Variants in PRKCE observed in about 807,000 individuals in gnomAD.
The protein encoded by PRKCE is protein kinase C epsilon type.
Under a neutral mutation model 85.4 loss-of-function variants are expected in PRKCE, and 16 were observed. That is an observed-to-expected ratio of 0.19 (90% confidence interval 0.13 to 0.28). The LOEUF (loss-of-function observed/expected upper bound fraction) is 0.28, where lower values mean the gene tolerates loss of function less well. Among genes scored for constraint, PRKCE ranks in the 10% least tolerant of loss-of-function variants. PRKCE has a pLI of 1.00. For missense variants in PRKCE, 573 were observed against 975.2 expected, an observed-to-expected ratio of 0.59 and a Z score of 5.49; for synonymous variants, 388 against 371.5, an observed-to-expected ratio of 1.04 and a Z score of -0.51.
rs376085493 is a variant in PRKCE, at chr2:46,067,511, CAT to C, written c.1438-18696_1438-18695del. 1.3e-4 allele frequency among the ~76,000 whole-genome samples: 20 copies of C among 152,306 alleles called. No homozygotes were observed. In the East Asian group the frequency reaches 3.5e-3, roughly 26 times the overall value. ...CCTGCAGTCTTTCTCGTCTCTTCCA[CAT>C]GTTTGGTGCGTATTCAGGTTTGGGC... On this transcript the variant is annotated intron_variant, in intron 10 of 14. Coordinates refer to ENST00000306156, the MANE Select transcript of PRKCE (RefSeq NM_005400.3).
rs1686646415 is a variant in PRKCE, at chr2:45,786,958, T to TA, written c.349-56042_349-56041insA. Among the ~76,000 whole-genome samples, 1 of 152,248 alleles carries TA rather than the reference T, an allele frequency of 6.6e-6. No homozygotes were observed. Among genetic ancestry groups the TA allele is most frequent in the Non-Finnish European group, 1.5e-5 (1 of 68,042 alleles). ...GCTGGTGTTTCTCAAACTCGCCTGGTGAGTCACTTGAGGCTTTGGTTCAAG... is the reference window on the plus strand; with the variant it reads ...GCTGGTGTTTCTCAAACTCGCCTGGTAGAGTCACTTGAGGCTTTGGTTCAAG... On this transcript the variant is annotated intron_variant, in intron 1 of 14. Coordinates refer to ENST00000306156, the MANE Select transcript of PRKCE (RefSeq NM_005400.3). The surrounding 1 kb of genome is among the most constrained non-coding windows in gnomAD (Gnocchi z 5.3).
rs184425903 is a variant in PRKCE, at chr2:46,063,713, G to C, written c.1438-22495G>C. On this transcript the variant is annotated intron_variant, in intron 10 of 14. Transcript: ENST00000306156. ...TGCAAGGGGCAGGAAAAGATTTACAGTGTTTTGCTAGACCAATCGCCACTT... is the reference window on the plus strand; with the variant it reads ...TGCAAGGGGCAGGAAAAGATTTACACTGTTTTGCTAGACCAATCGCCACTT... 2.0e-5 allele frequency among the ~76,000 whole-genome samples: 3 copies of C among 152,328 alleles called. No individual in the cohort carries two copies. In the East Asian group the frequency reaches 5.8e-4, roughly 29 times the overall value.
Position 46,064,152 on chromosome 2 carries a change from C to T in PRKCE, c.1438-22056C>T, listed in dbSNP as rs142781644. Among the ~76,000 whole-genome samples, 868 of 151,764 alleles carry T rather than the reference C, an allele frequency of 5.7e-3. 6 individuals carry two copies. The highest frequency in any genetic ancestry group is 0.02 in the African/African-American group (821 of 41,418). ...CAAAAATTAGCCAGGCATGGTGACACGTGCCTGTAATCCCAGCTACTCAGG... is the reference window on the plus strand; with the variant it reads ...CAAAAATTAGCCAGGCATGGTGACATGTGCCTGTAATCCCAGCTACTCAGG... On this transcript the variant is annotated intron_variant, in intron 10 of 14. Coordinates refer to ENST00000306156, the MANE Select transcript of PRKCE (RefSeq NM_005400.3).
At chr2:46,141,671 G>T (rs1361538962) in intron 11 of PRKCE, among the ~76,000 whole-genome samples, 1 of 151,988 alleles carries the variant, frequency 6.6e-6, no homozygotes, top group Non-Finnish European at 1.5e-5. Context: ...AAGAAATTTT[G>T]CTGGATTTTC....
intron 2 of PRKCE, among the ~76,000 whole-genome samples, chr2:45,869,393 C>G (rs1693891985): frequency 6.6e-6 from 1 of 152,186 alleles, no homozygotes; most frequent in South Asian, 2.1e-4. Context: ...TGTGACACTG[C>G]TAGTAATCGC....
intron 10 of PRKCE, among the ~76,000 whole-genome samples, chr2:46,038,418 C>A (rs576714917): frequency 6.6e-6 from 1 of 152,112 alleles, no homozygotes; most frequent in East Asian, 1.9e-4. Flanking sequence ...AACTGTTTGT[C>A]CCTGCTGCAT....
intron 14 of PRKCE, among the ~76,000 whole-genome samples, chr2:46,183,872 G>T (rs1157249149): frequency 6.6e-6 from 1 of 152,160 alleles, no homozygotes; most frequent in Non-Finnish European, 1.5e-5. Flanking sequence ...AGCCCCTAAA[G>T]GCAGAGAGCA....
At chr2:46,144,341 G>A (rs957117906) in intron 11 of PRKCE, among the ~76,000 whole-genome samples, 5 of 152,190 alleles carry the variant, frequency 3.3e-5, no homozygotes, top group African/African-American at 1.2e-4. Flanking sequence ...CAGGCAGGAT[G>A]CTTATTGCTG....
intron 11 of PRKCE, among the ~76,000 whole-genome samples, chr2:46,109,369 T>C (rs918346269): frequency 9.2e-5 from 14 of 152,302 alleles, no homozygotes; most frequent in African/African-American, 3.4e-4. Context: ...CTTGATTTCT[T>C]GTGTCAGTGG....
intron 2 of PRKCE, among the ~76,000 whole-genome samples, chr2:45,871,272 T>C (rs1254469700): frequency 6.6e-6 from 1 of 152,204 alleles, no homozygotes; most frequent in Non-Finnish European, 1.5e-5. Flanking sequence ...CATTTCATGC[T>C]CTCCCTGGTG....
intron 10 of PRKCE, among the ~76,000 whole-genome samples, chr2:46,067,513 T>C (rs1667722054): frequency 6.6e-6 from 1 of 152,266 alleles, no homozygotes; most frequent in Non-Finnish European, 1.5e-5. Flanking sequence ...CTCTTCCACA[T>C]GTTTGGTGCG....
intron 5 of PRKCE, among the ~76,000 whole-genome samples, chr2:45,982,500 A>G (rs573514200): frequency 1.5e-4 from 23 of 152,186 alleles, no homozygotes; most frequent in African/African-American, 5.5e-4. Flanking sequence ...CCCTGCCTGC[A>G]CTTCCAGGTG....
chr2:46,132,845 G>T lies in PRKCE; in HGVS notation c.1593-12248G>T, dbSNP rs541445456. Among the ~76,000 whole-genome samples the T allele has an allele frequency of 3.3e-4, 50 of 152,324 alleles. No homozygotes were observed. In the South Asian group the frequency reaches 8.5e-3, roughly 26 times the overall value. On this transcript the variant is annotated intron_variant, in intron 11 of 14. Coordinates refer to ENST00000306156, the MANE Select transcript of PRKCE (RefSeq NM_005400.3). ...ATAAAATCTGTTTTCTGTCCCTTCA[G>T]AGGTCAGTCCATTTTCAGCCTCCTA...
intron 1 of PRKCE, among the ~76,000 whole-genome samples, chr2:45,714,581 C>G (rs77024656): frequency 0.02 from 3,061 of 152,350 alleles, 96 homozygotes; most frequent in African/African-American, 0.071. Context: ...GTCTTGCTTT[C>G]TGCTTTCTTT....
intron 2 of PRKCE, among the ~76,000 whole-genome samples, chr2:45,910,960 A>C (rs1215078631): frequency 6.6e-6 from 1 of 152,122 alleles, no homozygotes; most frequent in Non-Finnish European, 1.5e-5. Flanking sequence ...GGAGAATGGG[A>C]GACTGGGGAA....
intron 14 of PRKCE, chr2:46,164,666 G>A (rs1266148434): frequency 1.3e-5 from 2 of 152,508 alleles, no homozygotes; most frequent in African/African-American, 4.8e-5. Context: ...GAGGCTGGGA[G>A]AGGTCATGTC....
At chr2:45,832,475 G>C (rs1394253706) in intron 1 of PRKCE, among the ~76,000 whole-genome samples, 1 of 152,106 alleles carries the variant, frequency 6.6e-6, no homozygotes, top group Non-Finnish European at 1.5e-5. Flanking sequence ...ACCATGCCCA[G>C]CTAATTTTTG....
At chr2:45,770,325 C>CT (rs1193471346) in intron 1 of PRKCE, among the ~76,000 whole-genome samples, 1 of 152,172 alleles carries the variant, frequency 6.6e-6, no homozygotes, top group Non-Finnish European at 1.5e-5. Context: ...GGAAACAACA[C>CT]TGACTGTGGC....
chr2:45,827,489 G>C (rs1288153992), intron 1 of PRKCE, among the ~76,000 whole-genome samples: 3 of 152,158 alleles, frequency 2.0e-5, no homozygotes. Flanking sequence ...GTATGAGCCG[G>C]AATTGTTCAT....
Sources: gnomAD v4.1 joint callset for allele counts (sites outside exome capture counted in the v4.1 genomes callset) on GRCh38, gnomAD v4.1.1 for gene constraint, Gnocchi (gnomAD v3.1) non-coding constraint, MANE v1.5 for transcripts, NCBI Gene and HGNC (gene_info 2026-07-23, HGNC 2026-07-21) for gene names.